Variants in NT5DC3 observed in about 807,000 individuals in gnomAD.
The protein encoded by NT5DC3 is 5'-nucleotidase domain containing 3, also known as 5'-nucleotidase domain-containing protein 3.
NT5DC3 carries 42 observed loss-of-function variants against 67.8 expected under a neutral mutation model. The ratio of observed to expected loss-of-function variants is 0.62; its 90% CI spans 0.48 to 0.80. NT5DC3 has a LOEUF of 0.80. Ranked by LOEUF, NT5DC3 falls within the 30% of genes least tolerant of loss-of-function variation. The pLI is 0.00. For synonymous variants in NT5DC3, 237 were observed against 255.6 expected (o/e 0.93, Z 0.69); for missense variants, 570 against 696.4 (o/e 0.82, Z 2.04).
chr12:103,800,197 G>A (rs759016175), intron 4 of NT5DC3, among the ~76,000 whole-genome samples: 17 of 152,092 alleles, frequency 1.1e-4, no homozygotes, highest in Non-Finnish European at 2.1e-4. Context: ...CTTTCCTCCC[G>A]TCTCCATCAC....
intron 1 of NT5DC3, among the ~76,000 whole-genome samples, chr12:103,834,668 T>C (rs765570435): frequency 6.6e-5 from 10 of 152,184 alleles, no homozygotes; most frequent in Non-Finnish European, 1.3e-4. Context: ...TTTCTGTAAA[T>C]CTAAAGCTGA....
chr12:103,807,911 G>A (rs1336198836), intron 2 of NT5DC3, among the ~76,000 whole-genome samples: 1 of 152,166 alleles, frequency 6.6e-6, no homozygotes, highest in East Asian at 1.9e-4. Context: ...CAGACACATG[G>A]AACTGTGAGT....
At chr12:103,786,931 C>A (rs766492358) in intron 11 of NT5DC3, among the ~76,000 whole-genome samples, 67 of 152,178 alleles carry the variant, frequency 4.4e-4, no homozygotes, top group Non-Finnish European at 9.1e-4. Context: ...AATCCACCCA[C>A]CTCGGCCTCC....
At chr12:103,779,673 C>T (rs999009407) in intron 13 of NT5DC3, among the ~76,000 whole-genome samples, 9 of 152,090 alleles carry the variant, frequency 5.9e-5, no homozygotes, top group East Asian at 5.8e-4. Flanking sequence ...AGCTCAGAGA[C>T]GGCTATACCC....
the NT5DC3 span, among the ~76,000 whole-genome samples, chr12:103,751,546 T>C: frequency 1.3e-5 from 2 of 152,098 alleles, no homozygotes; most frequent in African/African-American, 4.8e-5. Context: ...TTGGGGATAT[T>C]CTATGGTCTA....
rs1888407608 is a variant in NT5DC3 at position 103,841,158 on chromosome 12, C to T, written c.-2G>A. The stretch of plus-strand genomic sequence containing the variant: ...CACCGCCGCCGCTGCCATGGTCATG[C>T]CTGCTGCCTGCTGCCGCCACCGCCG... On this transcript the variant is annotated 5_prime_UTR_variant, in exon 1 of 14. Transcript: ENST00000392876. 2.8e-6 allele frequency: 2 copies of T among 712,834 alleles called. No homozygotes were observed. The highest frequency in any genetic ancestry group is 4.3e-6 in the Non-Finnish European group (2 of 461,808). The allele number at this position is 712,834 out of a possible 1,614,324, so 44.2% of individuals were successfully genotyped here. A position where few individuals can be genotyped will look rare whatever the true frequency, so the allele number is the denominator to read the frequency against.
chr12:103,785,599 C>T, intron 11 of NT5DC3, 124 bp from the exon 12 acceptor site: 1 of 957,182 alleles, frequency 1.0e-6, no homozygotes, highest in South Asian at 1.4e-5. Flanking sequence ...AGTTATTCAC[C>T]AAGCTGAATT....
At chr12:103,781,828 G>C (rs1885564235) in intron 12 of NT5DC3, among the ~76,000 whole-genome samples, 1 of 152,226 alleles carries the variant, frequency 6.6e-6, no homozygotes, top group Non-Finnish European at 1.5e-5. Flanking sequence ...AAGCCCCACA[G>C]AGAACTGATC....
At chr12:103,769,320 A>G (rs930651736), downstream of NT5DC3, among the ~76,000 whole-genome samples, 1 of 152,184 alleles carries the variant, frequency 6.6e-6, no homozygotes. Context: ...ACATGAGGTA[A>G]TATGAGCCAA....
chr12:103,804,016 G>A (rs1002757083), intron 4 of NT5DC3, among the ~76,000 whole-genome samples: 4 of 152,042 alleles, frequency 2.6e-5, no homozygotes, highest in Non-Finnish European at 5.9e-5. Flanking sequence ...CCTTGGGCAA[G>A]TTACTTAACA....
chr12:103,761,541 A>C, the NT5DC3 span: 2 of 766,048 alleles, frequency 2.6e-6, no homozygotes, highest in South Asian at 1.8e-5. Flanking sequence ...CCAGCCTCCA[A>C]CCTCCAAGGT....
At chr12:103,781,195 C>A (rs1280914044) in intron 12 of NT5DC3, among the ~76,000 whole-genome samples, 1 of 152,204 alleles carries the variant, frequency 6.6e-6, no homozygotes, top group African/African-American at 2.4e-5. Flanking sequence ...TCGCAGGGAA[C>A]AGGCCAGCTC....
chr12:103,825,603 G>A (rs1169201740), intron 1 of NT5DC3, among the ~76,000 whole-genome samples: 4 of 152,132 alleles, frequency 2.6e-5, no homozygotes, highest in African/African-American at 4.8e-5. Flanking sequence ...ACCAGCCTGC[G>A]GAGCAAATCA....
chr12:103,779,851 A>C (rs1885475399), intron 13 of NT5DC3, among the ~76,000 whole-genome samples: 1 of 152,112 alleles, frequency 6.6e-6, no homozygotes. Flanking sequence ...CTGCTTACTG[A>C]TTGCACATTC....
In NT5DC3 at chr12:103,772,787, G is replaced by C. The variant is rs1232358747; in HGVS notation, c.*5042C>G. ...CCATATGGAGCCGGTAAGGGTTACA[G>C]GCAGGAAGGGGGTATGATCTGGGGC... On this transcript the variant is annotated 3_prime_UTR_variant, in exon 14 of 14. Coordinates refer to ENST00000392876, the MANE Select transcript of NT5DC3 (RefSeq NM_001031701.3). 1 of 152,298 alleles carries C rather than the reference G, an allele frequency of 6.6e-6. No homozygotes were observed. The allele number at this position is 152,298 out of a possible 1,614,324, so 9.4% of individuals were successfully genotyped here.
chr12:103,760,121 C>A, the NT5DC3 span, among the ~76,000 whole-genome samples: 1 of 152,146 alleles, frequency 6.6e-6, no homozygotes. Flanking sequence ...TCTTCTGGAA[C>A]AGAAGGGGCA....
chr12:103,752,359 G>A, the NT5DC3 span, among the ~76,000 whole-genome samples: 11 of 152,266 alleles, frequency 7.2e-5, no homozygotes, highest in African/African-American at 1.4e-4. Flanking sequence ...TTTGACTTAC[G>A]CACTGTGCTA....
At chr12:103,771,386 A>G (rs1885178030), downstream of NT5DC3, 1 of 152,134 alleles carries the variant, frequency 6.6e-6, no homozygotes, top group Non-Finnish European at 1.5e-5. Flanking sequence ...GTTACCTATA[A>G]AAGAGTTTCT....
chr12:103,746,778 G>C, the NT5DC3 span: 2 of 1,466,748 alleles, frequency 1.4e-6, no homozygotes, highest in East Asian at 4.6e-5. Context: ...ACAGTGCCTG[G>C]GCTTCATCCT....
Sources: allele counts gnomAD v4.1 joint callset (sites outside exome capture counted in the v4.1 genomes callset), GRCh38; gene constraint gnomAD v4.1.1; transcripts MANE v1.5; gene names NCBI Gene and HGNC (gene_info 2026-07-23, HGNC 2026-07-21).